DCLK2: variants seen among roughly 807,000 people sequenced by gnomAD.
The protein encoded by DCLK2 is serine/threonine-protein kinase DCLK2.
Under a neutral mutation model 78.4 loss-of-function variants are expected in DCLK2, and 31 were observed. The ratio of observed to expected loss-of-function variants is 0.40; its 90% CI spans 0.30 to 0.53. DCLK2 has a LOEUF of 0.53. Among genes scored for constraint, DCLK2 ranks in the 20% least tolerant of loss-of-function variants. DCLK2 has a pLI of 0.61. For synonymous variants in DCLK2, 407 were observed against 374.9 expected, an observed-to-expected ratio of 1.09 and a Z score of -0.99; for missense variants, 872 against 973.7, an observed-to-expected ratio of 0.90 and a Z score of 1.39.
chr4:150,247,495 A>G, intron 12 of DCLK2, 108 bp from the exon 13 acceptor site: 1 of 812,648 alleles, frequency 1.2e-6, no homozygotes, highest in East Asian at 2.6e-5. Context: ...GGAATGCCCA[A>G]GTCAAAGCCA....
At chr4:150,158,500 ACT>A (rs1735478142) in intron 2 of DCLK2, among the ~76,000 whole-genome samples, 1 of 152,134 alleles carries the variant, frequency 6.6e-6, no homozygotes, top group Non-Finnish European at 1.5e-5. Context: ...GATAAAGGTT[ACT>A]CTCTATTTTG....
intron 2 of DCLK2, among the ~76,000 whole-genome samples, chr4:150,139,956 A>G (rs1015455173): frequency 5.3e-5 from 8 of 152,226 alleles, no homozygotes; most frequent in African/African-American, 1.4e-4. Context: ...TGACAAATAT[A>G]GGCAAATTAT....
At chr4:150,089,969 C>G (rs1307864548) in intron 1 of DCLK2, among the ~76,000 whole-genome samples, 1 of 152,190 alleles carries the variant, frequency 6.6e-6, no homozygotes, top group Non-Finnish European at 1.5e-5. Flanking sequence ...GTCTTTTATA[C>G]GTATGAAGTC....
intron 2 of DCLK2, among the ~76,000 whole-genome samples, chr4:150,190,298 GGCAGA>G (rs1190294707): frequency 4.8e-4 from 69 of 142,504 alleles, no homozygotes; most frequent in African/African-American, 1.9e-3. Flanking sequence ...TAGATAGATA[GGCAGA>G]CAGACAGACA....
intron 2 of DCLK2, among the ~76,000 whole-genome samples, chr4:150,122,582 A>T (rs898135793): frequency 1.3e-5 from 2 of 152,164 alleles, no homozygotes; most frequent in Non-Finnish European, 1.5e-5. Context: ...GGAGGGGAAC[A>T]TCACACACCA....
intron 6 of DCLK2, 144 bp downstream of exon 6, chr4:150,220,922 A>T: frequency 1.7e-6 from 1 of 580,920 alleles, no homozygotes; most frequent in Non-Finnish European, 3.0e-6. Context: ...GGCCTTAGTA[A>T]GAGGCGGGGA....
intron 10 of DCLK2, among the ~76,000 whole-genome samples, chr4:150,236,052 A>C (rs887346773): frequency 6.6e-6 from 1 of 152,208 alleles, no homozygotes; most frequent in African/African-American, 2.4e-5. Flanking sequence ...TTGGTTTCTC[A>C]TATTTGAAGT....
rs547936013 is a variant in DCLK2, at chr4:150,154,237, G to A, written c.757-38901G>A. On this transcript the variant is annotated intron_variant, in intron 2 of 15. Coordinates refer to ENST00000296550, the MANE Select transcript of DCLK2 (RefSeq NM_001040260.4). ...TGTCACTCTTTCTCTTCACTTGCCAGTGAACATTGACCAGAGTGTCCTTTA... is the reference window on the plus strand; with the variant it reads ...TGTCACTCTTTCTCTTCACTTGCCAATGAACATTGACCAGAGTGTCCTTTA... Among the ~76,000 whole-genome samples, 60 of 152,326 alleles carry A rather than the reference G, an allele frequency of 3.9e-4. No homozygotes were observed. In the South Asian group the frequency reaches 0.011, roughly 27 times the overall value.
intron 12 of DCLK2, among the ~76,000 whole-genome samples, chr4:150,244,757 A>G (rs1165350688): frequency 6.6e-6 from 1 of 152,224 alleles, no homozygotes; most frequent in African/African-American, 2.4e-5. Context: ...GCAGGCCCCA[A>G]CTGTCAAAGC....
intron 8 of DCLK2, among the ~76,000 whole-genome samples, chr4:150,224,885 G>A (rs1741479930): frequency 1.3e-5 from 2 of 152,148 alleles, no homozygotes; most frequent in Non-Finnish European, 2.9e-5. Context: ...AGCTAACAAA[G>A]CCTTCCAGCT....
intron 1 of DCLK2, among the ~76,000 whole-genome samples, chr4:150,100,404 T>C (rs993761009): frequency 9.2e-5 from 14 of 152,232 alleles, no homozygotes; most frequent in Non-Finnish European, 1.9e-4. Flanking sequence ...ATGTCAACTG[T>C]GTAGAAACAG....
intron 2 of DCLK2, among the ~76,000 whole-genome samples, chr4:150,113,287 T>G (rs1731834980): frequency 6.6e-6 from 1 of 152,230 alleles, no homozygotes; most frequent in African/African-American, 2.4e-5. Flanking sequence ...TCCCTCTTTC[T>G]CAGTGTTTTA....
intron 1 of DCLK2, among the ~76,000 whole-genome samples, chr4:150,087,115 T>A (rs934620410): frequency 1.3e-5 from 2 of 152,130 alleles, no homozygotes; most frequent in Non-Finnish European, 2.9e-5. Context: ...CTATTTGCCG[T>A]GTTTTCAACA....
intron 1 of DCLK2, among the ~76,000 whole-genome samples, chr4:150,080,971 A>C (rs1013082030): frequency 6.6e-6 from 1 of 152,178 alleles, no homozygotes; most frequent in Non-Finnish European, 1.5e-5. Context: ...GGAAGATACA[A>C]TGTTCAAAGG....
At chr4:150,241,420 A>G (rs886519662) in intron 12 of DCLK2, among the ~76,000 whole-genome samples, 4 of 152,164 alleles carry the variant, frequency 2.6e-5, no homozygotes, top group African/African-American at 9.7e-5. Flanking sequence ...CTCTGGAGCA[A>G]ATGAATTACT....
At chr4:150,133,299 C>T (rs767328790) in intron 2 of DCLK2, among the ~76,000 whole-genome samples, 2 of 143,544 alleles carry the variant, frequency 1.4e-5, no homozygotes, top group African/African-American at 5.4e-5. Context: ...ATGTGCACAG[C>T]GCAACTCAGA....
chr4:150,224,758 G>C (rs1056869060), intron 8 of DCLK2, among the ~76,000 whole-genome samples, 200 bp downstream of exon 8: 6 of 152,156 alleles, frequency 3.9e-5, no homozygotes, highest in African/African-American at 1.4e-4. Flanking sequence ...AAATTGATTT[G>C]ATCTTGGTCC....
chr4:150,145,111 T>A (rs887053106), intron 2 of DCLK2, among the ~76,000 whole-genome samples: 7 of 152,222 alleles, frequency 4.6e-5, no homozygotes, highest in Admixed American at 2.6e-4. Flanking sequence ...ACTGGTTATT[T>A]TATTTTTTTG....
At chr4:150,137,694 A>T (rs1194870987) in intron 2 of DCLK2, among the ~76,000 whole-genome samples, 1 of 152,214 alleles carries the variant, frequency 6.6e-6, no homozygotes. Flanking sequence ...TAAATAAAGG[A>T]TTAAGAGTTA....
Sources: gnomAD v4.1 joint callset for allele counts (sites outside exome capture counted in the v4.1 genomes callset) on GRCh38, gnomAD v4.1.1 for gene constraint, MANE v1.5 for transcripts, NCBI Gene and HGNC (gene_info 2026-07-23, HGNC 2026-07-21) for gene names.